Variants in ARID1B observed in about 807,000 individuals in gnomAD.
ARID1B encodes the protein AT-rich interactive domain-containing protein 1B.
In ARID1B, 30 loss-of-function variants were observed where a neutral mutation model predicts 212.3. The observed-to-expected ratio is 0.14, with a 90% CI of 0.11 to 0.19. The LOEUF is 0.19. Among genes scored for constraint, ARID1B ranks in the 10% least tolerant of loss-of-function variants. The pLI is 1.00. For synonymous variants in ARID1B, 1,402 were observed against 1,301.7 expected (o/e 1.08, Z -1.66); for missense variants, 2,891 against 3,204.0 (o/e 0.90, Z 2.36).
At chr6:156,934,020 A>G (rs1341135893) in intron 3 of ARID1B, among the ~76,000 whole-genome samples, 1 of 152,258 alleles carries the variant, frequency 6.6e-6, no homozygotes, top group African/African-American at 2.4e-5. Flanking sequence ...AGCTTTTTAT[A>G]GGATTTCAAG....
chr6:156,889,443 A>G (rs1167343918), intron 2 of ARID1B, among the ~76,000 whole-genome samples: 1 of 152,262 alleles, frequency 6.6e-6, no homozygotes, highest in Non-Finnish European at 1.5e-5. Flanking sequence ...TTTTGTGTAC[A>G]GTAAGACTTT....
chr6:157,038,352 A>T (rs1411509459), intron 4 of ARID1B, among the ~76,000 whole-genome samples: 2 of 152,072 alleles, frequency 1.3e-5, no homozygotes, highest in South Asian at 4.1e-4. Context: ...ATATATACAT[A>T]TATATATTTT....
chr6:157,106,137 A>G (rs1786461658), intron 5 of ARID1B, among the ~76,000 whole-genome samples: 2 of 152,142 alleles, frequency 1.3e-5, no homozygotes, highest in African/African-American at 2.4e-5. Context: ...ATGCCCATAC[A>G]CAGGAGAGTG....
intron 4 of ARID1B, among the ~76,000 whole-genome samples, chr6:157,073,998 G>T (rs539945381): frequency 6.6e-6 from 1 of 152,270 alleles, no homozygotes; most frequent in South Asian, 2.1e-4. Flanking sequence ...CCGAGTGAGT[G>T]AAACTGACCA....
intron 2 of ARID1B, among the ~76,000 whole-genome samples, chr6:156,831,402 T>G (rs1394599794): frequency 6.6e-6 from 1 of 152,170 alleles, no homozygotes; most frequent in Non-Finnish European, 1.5e-5. Context: ...TTCCCTGATG[T>G]GAGATTAAAA....
At position 157,094,783 on chromosome 6, in the gene ARID1B, G is replaced by A. The variant is rs1785503084; in HGVS notation, c.2491+9878G>A. Among the ~76,000 whole-genome samples, 2 of 152,268 alleles carry A rather than the reference G, an allele frequency of 1.3e-5. No individual in the cohort carries two copies. The highest frequency in any genetic ancestry group is 4.1e-4 in the South Asian group (2 of 4,824). On this transcript the variant is annotated intron_variant, in intron 5 of 19. Coordinates refer to ENST00000636930, the MANE Select transcript of ARID1B (RefSeq NM_001374828.1). The surrounding 1 kb of genome is among the most constrained non-coding windows in gnomAD (Gnocchi z 4.3). ...GGACAGTATACTGTAGGGGAAGGTG[G>A]GAGCAGAGACATCGGAGGCTCCTGC...
chr6:156,909,358 T>G (rs1436357450), intron 3 of ARID1B, among the ~76,000 whole-genome samples: 1 of 152,074 alleles, frequency 6.6e-6, no homozygotes, highest in East Asian at 1.9e-4. Flanking sequence ...ACTCCTGACC[T>G]TGTGATCCAC....
At chr6:156,932,208 C>G (rs1562493049) in intron 3 of ARID1B, among the ~76,000 whole-genome samples, 4 of 150,710 alleles carry the variant, frequency 2.7e-5, no homozygotes, top group South Asian at 2.1e-4. Context: ...GTAATTACTA[C>G]TACGCTAAAC....
chr6:157,179,480 TCA>T (rs1479601661), intron 11 of ARID1B, among the ~76,000 whole-genome samples: 5 of 152,176 alleles, frequency 3.3e-5, no homozygotes, highest in Non-Finnish European at 5.9e-5. Flanking sequence ...ATATATATAT[TCA>T]CACATATATG....
chr6:157,116,224 G>A (rs924203306), intron 6 of ARID1B, among the ~76,000 whole-genome samples: 27 of 152,224 alleles, frequency 1.8e-4, no homozygotes, highest in African/African-American at 5.5e-4. Context: ...CCAGTGACAC[G>A]TTAAGCTTAA....
At chr6:157,034,260 G>A (rs1781184254) in intron 4 of ARID1B, among the ~76,000 whole-genome samples, 1 of 152,144 alleles carries the variant, frequency 6.6e-6, no homozygotes, top group Non-Finnish European at 1.5e-5. Context: ...ACAAAACATT[G>A]CATTTAATAA....
intron 3 of ARID1B, among the ~76,000 whole-genome samples, chr6:156,916,120 A>G (rs761972017): frequency 9.2e-5 from 14 of 152,184 alleles, no homozygotes; most frequent in Non-Finnish European, 1.3e-4. Context: ...GATCTAGGTG[A>G]TGTGTTACAA....
intron 1 of ARID1B, among the ~76,000 whole-genome samples, chr6:156,822,232 G>T (rs1366237082): frequency 6.6e-6 from 1 of 152,212 alleles, no homozygotes; most frequent in African/African-American, 2.4e-5. Flanking sequence ...GACAAAAGAA[G>T]AACTTCTGTG....
intron 1 of ARID1B, among the ~76,000 whole-genome samples, chr6:156,824,876 T>C (rs1583109061): frequency 6.6e-6 from 1 of 152,050 alleles, no homozygotes; most frequent in African/African-American, 2.4e-5. Context: ...TTTTTTTTTT[T>C]CTTTGAGATG....
At chr6:157,096,769 T>TC (rs919872645) in intron 5 of ARID1B, among the ~76,000 whole-genome samples, 1 of 152,070 alleles carries the variant, frequency 6.6e-6, no homozygotes, top group Admixed American at 6.6e-5. Flanking sequence ...AGGTCTGCTC[T>TC]CCCCCCAGCA....
intron 6 of ARID1B, among the ~76,000 whole-genome samples, chr6:157,131,223 C>G (rs897410816): frequency 6.6e-6 from 1 of 152,230 alleles, no homozygotes; most frequent in Non-Finnish European, 1.5e-5. Context: ...CCACGTCCCA[C>G]ACGCTCTGCT....
chr6:157,042,998 A>G (rs960365547), intron 4 of ARID1B, among the ~76,000 whole-genome samples: 3 of 152,170 alleles, frequency 2.0e-5, no homozygotes, highest in Non-Finnish European at 2.9e-5. Flanking sequence ...ATAATTTTTA[A>G]TATTTGTTTT....
At chr6:156,853,286 T>C (rs1784700491) in intron 2 of ARID1B, among the ~76,000 whole-genome samples, 1 of 152,244 alleles carries the variant, frequency 6.6e-6, no homozygotes, top group African/African-American at 2.4e-5. Context: ...TTTGGATATA[T>C]TCTTTAAAAC....
rs762721043 is a variant in ARID1B at position 157,133,070 on chromosome 6, A to G, written c.2624A>G (p.Tyr875Cys). 65 of 1,613,676 alleles carry G rather than the reference A, an allele frequency of 4.0e-5. No individual in the cohort carries two copies. The highest frequency in any genetic ancestry group is 5.0e-5 in the Non-Finnish European group (59 of 1,179,966). Residue 875 changes from tyrosine to cysteine, a missense_variant, in exon 7 of 20, where the codon TAT becomes TGT. Physicochemically the swap from Tyr to Cys is radical, Grantham distance 194. Around this residue, in one of 7 missense-constraint regions of ARID1B, gnomAD observed 1,643 missense variants for 1,544.0 expected, o/e 1.06. Coordinates refer to ENST00000636930, the MANE Select transcript of ARID1B (RefSeq NM_001374828.1). ...GTQRNPQMAQ[Y>C]GPQQTGPSMS... ...CAAAGAAACCCTCAGATGGCTCAGT[A>G]TGGACCTCAACAGACAGGACCATCC... is the stretch of plus-strand genomic sequence containing the variant.
Sources: gnomAD v4.1 joint callset for allele counts (sites outside exome capture counted in the v4.1 genomes callset) on GRCh38, gnomAD v4.1.1 for gene constraint, gnomAD v4.1.1 regional missense constraint, Gnocchi (gnomAD v3.1) non-coding constraint, MANE v1.5 for transcripts, NCBI Gene and HGNC (gene_info 2026-07-23, HGNC 2026-07-21) for gene names.